The following SHISA9 variants were observed in gnomAD, a reference collection of about 807,000 sequenced individuals.
SHISA9 encodes the protein shisa family member 9, also known as protein shisa-9.
SHISA9 carries 13 observed loss-of-function variants against 38.0 expected under a neutral mutation model. That is an observed-to-expected ratio of 0.34 (90% CI 0.22 to 0.54). The LOEUF (loss-of-function observed/expected upper bound fraction) is 0.54. SHISA9 is among the 20% of genes least tolerant of loss of function. The pLI, the probability that SHISA9 is intolerant of heterozygous loss-of-function variation, is 0.91. For missense variants in SHISA9, 538 were observed against 575.8 expected (o/e 0.93, Z 0.67); for synonymous variants, 275 against 242.0 (o/e 1.14, Z -1.27).
At chr16:13,254,003 A>G in the SHISA9 span, among the ~76,000 whole-genome samples, 2 of 152,184 alleles carry the variant, frequency 1.3e-5, no homozygotes, top group African/African-American at 4.8e-5. Context: ...GAACTTAACA[A>G]AAATTCTAAT....
the SHISA9 span, among the ~76,000 whole-genome samples, chr16:13,422,694 T>C: frequency 6.7e-6 from 1 of 148,550 alleles, no homozygotes; most frequent in African/African-American, 2.4e-5. Flanking sequence ...AGACTCTGTC[T>C]CAAAACAAAC....
At chr16:12,942,699 T>C (rs565481998) in intron 2 of SHISA9, among the ~76,000 whole-genome samples, 15 of 152,254 alleles carry the variant, frequency 9.9e-5, no homozygotes, top group Admixed American at 5.2e-4. Context: ...ATTTCCCTTT[T>C]CACTTTGTTT....
At chr16:13,375,191 C>G in the SHISA9 span, among the ~76,000 whole-genome samples, 1 of 152,158 alleles carries the variant, frequency 6.6e-6, no homozygotes, top group Non-Finnish European at 1.5e-5. Flanking sequence ...TCCCATTTGT[C>G]AATTGTGGCT....
chr16:13,416,042 G>A, the SHISA9 span, among the ~76,000 whole-genome samples: 1 of 152,040 alleles, frequency 6.6e-6, no homozygotes, highest in Non-Finnish European at 1.5e-5. Context: ...CTTGTTCTGG[G>A]CCAGGATATA....
At chr16:13,317,690 G>A in the SHISA9 span, among the ~76,000 whole-genome samples, 1 of 152,216 alleles carries the variant, frequency 6.6e-6, no homozygotes, top group Non-Finnish European at 1.5e-5. Flanking sequence ...CTTGGAGGAT[G>A]TAGGAGATGA....
At chr16:12,964,006 A>G (rs773599539) in intron 2 of SHISA9, among the ~76,000 whole-genome samples, 16 of 152,358 alleles carry the variant, frequency 1.1e-4, no homozygotes, top group Middle Eastern at 3.4e-3. Flanking sequence ...CTTCCTGTGA[A>G]CAAGGAATCT....
chr16:13,013,662 C>A (rs2072705974), intron 2 of SHISA9, among the ~76,000 whole-genome samples: 1 of 152,200 alleles, frequency 6.6e-6, no homozygotes, highest in African/African-American at 2.4e-5. Context: ...CATCCCTTCA[C>A]TGGCCACTGC....
chr16:13,363,733 C>A, the SHISA9 span, among the ~76,000 whole-genome samples: 3 of 152,190 alleles, frequency 2.0e-5, no homozygotes, highest in Non-Finnish European at 4.4e-5. Context: ...ACAGCGCTGG[C>A]TTCAGGATAA....
At chr16:13,382,854 T>A in the SHISA9 span, among the ~76,000 whole-genome samples, 3 of 152,006 alleles carry the variant, frequency 2.0e-5, no homozygotes, top group African/African-American at 7.2e-5. Context: ...CGAGACTCTG[T>A]CTTAAAACAA....
chr16:13,467,217 GACTCGCCTTCT>G, the SHISA9 span, among the ~76,000 whole-genome samples: 5 of 152,116 alleles, frequency 3.3e-5, no homozygotes, highest in Non-Finnish European at 4.4e-5. Flanking sequence ...GAGAGAGGAA[GACTCGCCTTCT>G]ATGTGGGGGG....
the SHISA9 span, among the ~76,000 whole-genome samples, chr16:13,369,517 G>C: frequency 6.6e-6 from 1 of 151,954 alleles, no homozygotes; most frequent in Non-Finnish European, 1.5e-5. Flanking sequence ...GCTGCAGAAA[G>C]TTTACTTTCT....
chr16:13,329,521 A>G, the SHISA9 span, among the ~76,000 whole-genome samples: 1 of 151,876 alleles, frequency 6.6e-6, no homozygotes, highest in Non-Finnish European at 1.5e-5. Flanking sequence ...TTGACTTTTC[A>G]TTTTCTTCCC....
chr16:13,444,630 C>T, the SHISA9 span, among the ~76,000 whole-genome samples: 1 of 152,096 alleles, frequency 6.6e-6, no homozygotes, highest in Non-Finnish European at 1.5e-5. Context: ...TAGAGAGCTG[C>T]TCAGAAGGTT....
At chr16:13,546,772 A>G in the SHISA9 span, among the ~76,000 whole-genome samples, 2 of 152,214 alleles carry the variant, frequency 1.3e-5, no homozygotes, top group East Asian at 3.8e-4. Context: ...TTACATGTTC[A>G]TGGCTGCTTT....
chr16:13,379,540 A>G, the SHISA9 span, among the ~76,000 whole-genome samples: 2 of 152,196 alleles, frequency 1.3e-5, no homozygotes, highest in African/African-American at 2.4e-5. Context: ...TCAGGGGCTG[A>G]CAAGTGGCAA....
chr16:13,422,373 A>G, the SHISA9 span, among the ~76,000 whole-genome samples: 1 of 152,162 alleles, frequency 6.6e-6, no homozygotes, highest in East Asian at 1.9e-4. Flanking sequence ...TAGCCTGGAG[A>G]AAACTACATT....
chr16:13,376,359 C>G, the SHISA9 span, among the ~76,000 whole-genome samples: 1 of 152,184 alleles, frequency 6.6e-6, no homozygotes, highest in Non-Finnish European at 1.5e-5. Flanking sequence ...GACTGATTCT[C>G]TGGAAGAATC....
chr16:13,557,828 C>A, the SHISA9 span, among the ~76,000 whole-genome samples: 1 of 152,068 alleles, frequency 6.6e-6, no homozygotes, highest in South Asian at 2.1e-4. Context: ...CTCCCACTGT[C>A]CCCCTGGCTC....
At chr16:13,355,785 C>T in the SHISA9 span, among the ~76,000 whole-genome samples, 6 of 152,192 alleles carry the variant, frequency 3.9e-5, no homozygotes, top group Middle Eastern at 3.4e-3. Context: ...GCTCGATGTC[C>T]GTGATGGTCT....
Sources: gnomAD v4.1 joint callset for allele counts (sites outside exome capture counted in the v4.1 genomes callset) on GRCh38, gnomAD v4.1.1 for gene constraint, MANE v1.5 for transcripts, NCBI Gene and HGNC (gene_info 2026-07-23, HGNC 2026-07-21) for gene names.